CHST10: variants seen among roughly 807,000 people sequenced by gnomAD.
CHST10 encodes the protein carbohydrate sulfotransferase 10.
Under a neutral mutation model 34.7 loss-of-function variants are expected in CHST10, and 24 were observed. The ratio of observed to expected loss-of-function variants is 0.69; its 90% confidence interval spans 0.50 to 0.97. The LOEUF is 0.97. CHST10 is among the 50% of genes least tolerant of loss of function. The pLI, the probability that CHST10 is intolerant of heterozygous loss-of-function variation, is 0.00. For missense variants in CHST10, 402 were observed against 452.1 expected (o/e 0.89, Z 1.00); for synonymous variants, 161 against 169.3 (o/e 0.95, Z 0.38).
intron 2 of CHST10, among the ~76,000 whole-genome samples, chr2:100,412,577 A>C (rs1202207152): frequency 6.6e-6 from 1 of 152,178 alleles, no homozygotes; most frequent in Admixed American, 6.5e-5. Flanking sequence ...GCTGGGACTG[A>C]GAATTGCTGG....
chr2:100,406,838 T>C, intron 2 of CHST10, 131 bp from the exon 3 acceptor site: 3 of 1,038,292 alleles, frequency 2.9e-6, no homozygotes, highest in East Asian at 2.6e-5. Flanking sequence ...ACTGCTACAA[T>C]AGGTAGTTTG....
chr2:100,412,936 A>AT (rs908590263), intron 2 of CHST10, among the ~76,000 whole-genome samples: 30 of 151,104 alleles, frequency 2.0e-4, no homozygotes, highest in African/African-American at 3.2e-4. Flanking sequence ...ACTCTGCCCC[A>AT]TTTTTTTTTA....
At position 100,392,562 on chromosome 2, in the gene CHST10, G is replaced by A. The variant is rs1674840707; in HGVS notation, c.*683C>T. On this transcript the variant is annotated 3_prime_UTR_variant, in exon 7 of 7. Transcript: ENST00000264249. Reference sequence around the variant, plus strand: ...TGCTGAATGAAATAGGCGCTTGGCAGACACAGGTTCAGAAGCATGGACCAG... The same window carrying A: ...TGCTGAATGAAATAGGCGCTTGGCAAACACAGGTTCAGAAGCATGGACCAG... The A allele has an allele frequency of 6.5e-6, 1 of 152,726 alleles. No homozygotes were observed. 9.5% of individuals were successfully genotyped at this position (152,726 alleles called of 1,614,324 possible).
intron 2 of CHST10, among the ~76,000 whole-genome samples, chr2:100,406,955 C>T (rs1023573343): frequency 6.6e-6 from 1 of 152,120 alleles, no homozygotes; most frequent in African/African-American, 2.4e-5. Flanking sequence ...TGAGAGAAGA[C>T]CACTTCCTTG....
At chr2:100,395,262 C>T (rs2241811) in intron 6 of CHST10, among the ~76,000 whole-genome samples, 89,842 of 152,108 alleles carry the variant, frequency 0.59, 27,505 homozygotes, top group East Asian at 0.78. Flanking sequence ...TTTCTATTAA[C>T]AAAATGATGT....
intron 2 of CHST10, among the ~76,000 whole-genome samples, chr2:100,410,280 G>T (rs374030878): frequency 6.6e-6 from 1 of 152,202 alleles, no homozygotes; most frequent in Admixed American, 6.5e-5. Flanking sequence ...GGCAGCAGAG[G>T]AAGAGTCAGC....
chr2:100,393,073 T>C lies in CHST10; in HGVS notation c.*172A>G, dbSNP rs994063052. On this transcript the variant is annotated 3_prime_UTR_variant, in exon 7 of 7. Transcript: ENST00000264249. The stretch of plus-strand genomic sequence containing the variant: ...CAGAGCATCTTACATCCAAACTAAG[T>C]TGTAACAGTTGGGGTTCTGCGTCAT... 8.3e-5 allele frequency: 54 copies of C among 650,256 alleles called. No homozygotes were observed. The Middle Eastern group carries it at 1.7e-3, about 20-fold the overall frequency. 40.3% of individuals were successfully genotyped at this position (650,256 alleles called of 1,614,324 possible).
In CHST10 at chr2:100,415,131, A is replaced by G; in HGVS notation, c.-103-20T>C. 1 of 1,264,982 alleles carries G rather than the reference A, an allele frequency of 7.9e-7. No homozygotes were observed. The highest frequency in any genetic ancestry group is 1.0e-6 in the Non-Finnish European group (1 of 964,658). The allele number at this position is 1,264,982 out of a possible 1,614,324, so 78.4% of individuals were successfully genotyped here. On this transcript the variant is annotated intron_variant, in intron 1 of 6. Coordinates refer to ENST00000264249, the MANE Select transcript of CHST10 (RefSeq NM_004854.5). ...TTGTCACTGGATAGGAAAATTAAAA[A>G]AAAAAAAGCATTATTAAAAGTTACA...
chr2:100,399,043 A>C (rs1021479689), intron 4 of CHST10, among the ~76,000 whole-genome samples: 3 of 151,054 alleles, frequency 2.0e-5, no homozygotes, highest in Non-Finnish European at 4.4e-5. Context: ...GGCCCCCTCT[A>C]GTTGTGGCCC....
intron 5 of CHST10, 44 bp downstream of exon 5, chr2:100,397,864 C>T: frequency 2.0e-6 from 3 of 1,519,746 alleles, no homozygotes; most frequent in Non-Finnish European, 2.7e-6. Flanking sequence ...CAGCACCGGC[C>T]ACCAAGACCC....
chr2:100,400,020 G>T (rs996665211), intron 4 of CHST10, among the ~76,000 whole-genome samples: 2 of 152,018 alleles, frequency 1.3e-5, no homozygotes, highest in Non-Finnish European at 1.5e-5. Flanking sequence ...CCCACCTCTT[G>T]CTCACTTATC....
intron 2 of CHST10, among the ~76,000 whole-genome samples, chr2:100,408,979 GCT>G (rs1248495611): frequency 6.6e-5 from 10 of 152,234 alleles, no homozygotes; most frequent in African/African-American, 2.2e-4. Context: ...ACAGGTCCTG[GCT>G]CTGAGTGTCC....
At chr2:100,396,266 C>T (rs915647916) in intron 5 of CHST10, among the ~76,000 whole-genome samples, 7 of 152,174 alleles carry the variant, frequency 4.6e-5, no homozygotes, top group African/African-American at 1.2e-4. Context: ...AAGGCAGGGC[C>T]GTGCCAACAG....
chr2:100,394,941 A>C lies in CHST10; in HGVS notation c.533+568T>G, dbSNP rs1361313788. ...TTTCTGTCAGTCACACTTGTCTTGA[A>C]CTCCTGACTTCAAATGATCCGCCCA... is the stretch of plus-strand genomic sequence containing the variant. On this transcript the variant is annotated intron_variant, in intron 6 of 6. Coordinates refer to ENST00000264249, the MANE Select transcript of CHST10 (RefSeq NM_004854.5). 5.4e-5 allele frequency among the ~76,000 whole-genome samples: 8 copies of C among 149,340 alleles called. 1 individual carries two copies. Among genetic ancestry groups the C allele is most frequent in the Admixed American group, 4.0e-4 (6 of 14,986 alleles).
chr2:100,409,256 AG>A (rs973055870), intron 2 of CHST10, among the ~76,000 whole-genome samples: 49 of 152,242 alleles, frequency 3.2e-4, no homozygotes, highest in African/African-American at 1.2e-3. Flanking sequence ...AGTCTTCTGA[AG>A]GAATGTAATA....
At chr2:100,399,711 C>A (rs2104335475) in intron 4 of CHST10, among the ~76,000 whole-genome samples, 1 of 152,292 alleles carries the variant, frequency 6.6e-6, no homozygotes, top group Non-Finnish European at 1.5e-5. Context: ...CTACTGTAAC[C>A]AAACTCTCTT....
intron 4 of CHST10, among the ~76,000 whole-genome samples, chr2:100,401,096 C>T (rs563354510): frequency 1.1e-4 from 16 of 152,324 alleles, no homozygotes; most frequent in African/African-American, 3.8e-4. Context: ...CCTCAGCGGA[C>T]ATCACCTCTG....
rs141475802 is a variant in CHST10, at chr2:100,397,280, G to T, written c.427+628C>A. ...AAAAGAGTAGTGAGTAATCAAAACT[G>T]CAGTGTATGAGGTTACTTTGTGATG... On this transcript the variant is annotated intron_variant, in intron 5 of 6. Coordinates refer to ENST00000264249, the MANE Select transcript of CHST10 (RefSeq NM_004854.5). Among the ~76,000 whole-genome samples the T allele has an allele frequency of 4.0e-3, 603 of 152,356 alleles. 2 individuals carry two copies. The highest frequency in any genetic ancestry group is 0.014 in the African/African-American group (566 of 41,588).
chr2:100,396,811 G>A (rs974367984), intron 5 of CHST10, among the ~76,000 whole-genome samples: 1 of 152,140 alleles, frequency 6.6e-6, no homozygotes, highest in African/African-American at 2.4e-5. Context: ...CTTCTAAGTG[G>A]GTGTTTACTT....
Sources: allele counts gnomAD v4.1 joint callset (sites outside exome capture counted in the v4.1 genomes callset), GRCh38; gene constraint gnomAD v4.1.1; transcripts MANE v1.5; gene names NCBI Gene and HGNC (gene_info 2026-07-23, HGNC 2026-07-21).